The following BMP5 variants were observed in gnomAD, a reference collection of about 807,000 sequenced individuals.
BMP5 encodes bone morphogenetic protein 5.
BMP5 carries 23 observed loss-of-function variants against 46.6 expected under a neutral mutation model. The ratio of observed to expected loss-of-function variants is 0.49; its 90% CI spans 0.35 to 0.70. BMP5 has a LOEUF of 0.70. Among genes scored for constraint, BMP5 ranks in the 30% least tolerant of loss-of-function variants. The pLI, the probability that BMP5 is intolerant of heterozygous loss-of-function variation, is 0.00. For missense variants in BMP5, 545 were observed against 565.6 expected (o/e 0.96, Z 0.37); for synonymous variants, 204 against 191.9 (o/e 1.06, Z -0.52).
intron 3 of BMP5, 99 bp from the exon 4 acceptor site, chr6:55,774,342 A>G (rs1298747627): frequency 3.5e-5 from 41 of 1,162,464 alleles, no homozygotes; most frequent in Non-Finnish European, 1.3e-6. Flanking sequence ...GAAAAGTTTT[A>G]AAACATTATC....
intron 1 of BMP5, among the ~76,000 whole-genome samples, chr6:55,837,315 T>C (rs991221707): frequency 4.0e-5 from 6 of 150,934 alleles, no homozygotes; most frequent in African/African-American, 1.5e-4. Context: ...AATGACTCTT[T>C]ATATCCTTAT....
intron 6 of BMP5, among the ~76,000 whole-genome samples, chr6:55,756,413 G>T (rs1356692330): frequency 1.3e-5 from 2 of 151,898 alleles, no homozygotes; most frequent in Non-Finnish European, 2.9e-5. Flanking sequence ...CTAAAAAGGT[G>T]TCTGTACATG....
chr6:55,760,495 G>A lies in BMP5; in HGVS notation c.1066C>T (p.His356Tyr). ...TCCCGGAAGCTCACATAGAGTTCGT[G>A]CTTCTTACAGGCTTGTTTTTGCTCA... Reference protein sequence around the residue: ...TSEQKQACKKHELYVSFRDLG... With the variant: ...TSEQKQACKKYELYVSFRDLG... The change falls in exon 5 of 7, where the codon CAC becomes TAC. Residue 356 changes from histidine to tyrosine, a missense_variant. Transcript: ENST00000370830. 2 of 1,613,160 alleles carry A rather than the reference G, an allele frequency of 1.2e-6. No individual in the cohort carries two copies. Among genetic ancestry groups the A allele is most frequent in the Non-Finnish European group, 1.7e-6 (2 of 1,179,338 alleles).
At chr6:55,827,051 A>C (rs1428402811) in intron 1 of BMP5, among the ~76,000 whole-genome samples, 1 of 151,618 alleles carries the variant, frequency 6.6e-6, no homozygotes, top group Non-Finnish European at 1.5e-5. Context: ...CTCTCCTCCT[A>C]TGCATTTAGT....
chr6:55,845,353 T>C (rs996757611), intron 1 of BMP5, among the ~76,000 whole-genome samples: 3 of 151,982 alleles, frequency 2.0e-5, no homozygotes, highest in African/African-American at 7.2e-5. Context: ...TAAATCTCTC[T>C]GCAGCATATT....
intron 6 of BMP5, among the ~76,000 whole-genome samples, chr6:55,756,438 TAAGTA>T (rs1341429243): frequency 6.6e-6 from 1 of 151,934 alleles, no homozygotes; most frequent in Non-Finnish European, 1.5e-5. Flanking sequence ...GTGAAATGCT[TAAGTA>T]AAGGGTTGAT....
intron 1 of BMP5, among the ~76,000 whole-genome samples, chr6:55,842,395 A>T (rs550955709): frequency 2.0e-5 from 3 of 152,288 alleles, no homozygotes; most frequent in East Asian, 3.9e-4. Context: ...TGCCTGTTCA[A>T]GTCACCTCTG....
At chr6:55,864,542 G>C (rs551281003) in intron 1 of BMP5, among the ~76,000 whole-genome samples, 2 of 152,034 alleles carry the variant, frequency 1.3e-5, no homozygotes, top group African/African-American at 4.8e-5. Flanking sequence ...CCTGATCTTA[G>C]ATTTCTCAGC....
intron 3 of BMP5, among the ~76,000 whole-genome samples, chr6:55,786,915 G>C (rs1775463882): frequency 6.6e-6 from 1 of 151,580 alleles, no homozygotes; most frequent in African/African-American, 2.4e-5. Context: ...ATAAGATTCA[G>C]ATAAGAGAAG....
intron 3 of BMP5, among the ~76,000 whole-genome samples, chr6:55,785,083 G>T (rs1489438849): frequency 6.6e-6 from 1 of 151,708 alleles, no homozygotes; most frequent in Non-Finnish European, 1.5e-5. Context: ...TCCATCACAG[G>T]AAATGCATGG....
At chr6:55,784,966 TAAG>T (rs1392154899) in intron 3 of BMP5, among the ~76,000 whole-genome samples, 1 of 151,806 alleles carries the variant, frequency 6.6e-6, no homozygotes, top group Non-Finnish European at 1.5e-5. Context: ...CAAAATGGGT[TAAG>T]AAGAAGTAGA....
intron 3 of BMP5, among the ~76,000 whole-genome samples, chr6:55,784,456 T>C (rs1340976991): frequency 1.3e-5 from 2 of 151,798 alleles, no homozygotes; most frequent in Admixed American, 1.3e-4. Flanking sequence ...AGAAATTATT[T>C]CCTGCCTAAG....
chr6:55,822,081 A>G (rs968709232), intron 1 of BMP5, among the ~76,000 whole-genome samples: 1 of 152,130 alleles, frequency 6.6e-6, no homozygotes, highest in Non-Finnish European at 1.5e-5. Context: ...TATTATCCTC[A>G]TTTTAGAAAT....
chr6:55,810,331 G>T (rs1477480808), intron 2 of BMP5, among the ~76,000 whole-genome samples: 2 of 152,116 alleles, frequency 1.3e-5, no homozygotes, highest in African/African-American at 4.8e-5. Flanking sequence ...TGAATGAAAA[G>T]CATGGCAGAA....
intron 2 of BMP5, among the ~76,000 whole-genome samples, chr6:55,798,649 G>C (rs75469572): frequency 0.012 from 1,883 of 152,228 alleles, 34 homozygotes; most frequent in African/African-American, 0.043. Flanking sequence ...AAGCTTATCA[G>C]ATATGAAATA....
At chr6:55,863,873 A>G (rs931797272) in intron 1 of BMP5, among the ~76,000 whole-genome samples, 1 of 152,222 alleles carries the variant, frequency 6.6e-6, no homozygotes, top group Non-Finnish European at 1.5e-5. Context: ...GCTTAGGAGC[A>G]ATAGGCTTTA....
At chr6:55,855,415 A>G (rs1394093926) in intron 1 of BMP5, among the ~76,000 whole-genome samples, 1 of 152,024 alleles carries the variant, frequency 6.6e-6, no homozygotes. Context: ...GATTTTTAAT[A>G]TATTAGATAT....
At chr6:55,769,506 C>T (rs1774997356) in intron 4 of BMP5, among the ~76,000 whole-genome samples, 1 of 151,860 alleles carries the variant, frequency 6.6e-6, no homozygotes, top group Non-Finnish European at 1.5e-5. Flanking sequence ...ATTTCTACCA[C>T]AACTGCAATG....
At chr6:55,777,501 T>C (rs1775205214) in intron 3 of BMP5, among the ~76,000 whole-genome samples, 1 of 151,910 alleles carries the variant, frequency 6.6e-6, no homozygotes. Context: ...AGATGAAGCA[T>C]TGAATATACA....
Sources: allele counts gnomAD v4.1 joint callset (sites outside exome capture counted in the v4.1 genomes callset), GRCh38; gene constraint gnomAD v4.1.1; transcripts MANE v1.5; gene names NCBI Gene and HGNC (gene_info 2026-07-23, HGNC 2026-07-21).